STK3: variants seen among roughly 807,000 people sequenced by gnomAD.
The protein encoded by STK3 is serine/threonine-protein kinase 3.
Under a neutral mutation model 58.0 loss-of-function variants are expected in STK3, and 41 were observed. The observed-to-expected ratio is 0.71, with a 90% CI of 0.55 to 0.92. STK3 has a LOEUF of 0.92. Among genes scored for constraint, STK3 ranks in the 40% least tolerant of loss-of-function variants. STK3 has a pLI of 0.00. For synonymous variants in STK3, 170 were observed against 191.0 expected (o/e 0.89, Z 0.91); for missense variants, 479 against 602.7 (o/e 0.79, Z 2.15).
intron 1 of STK3, among the ~76,000 whole-genome samples, chr8:98,449,134 G>A (rs975307492): frequency 6.6e-6 from 1 of 152,146 alleles, no homozygotes; most frequent in Non-Finnish European, 1.5e-5. Context: ...AAGAAGAGAA[G>A]TTATCTCAGT....
intron 1 of STK3, among the ~76,000 whole-genome samples, chr8:98,926,033 G>T (rs1021833199): frequency 1.3e-5 from 2 of 152,180 alleles, no homozygotes; most frequent in African/African-American, 4.8e-5. Flanking sequence ...GGCCGGGGGA[G>T]AAGAGAGGAT....
chr8:98,349,787 AG>A, the STK3 span, among the ~76,000 whole-genome samples: 2 of 152,182 alleles, frequency 1.3e-5, no homozygotes, highest in African/African-American at 2.4e-5. Flanking sequence ...GGCCCTTTTT[AG>A]TCATGGCTGG....
intron 1 of STK3, among the ~76,000 whole-genome samples, chr8:98,805,444 G>A (rs1234916860): frequency 6.6e-6 from 1 of 151,992 alleles, no homozygotes; most frequent in Non-Finnish European, 1.5e-5. Flanking sequence ...GCATGGTGGC[G>A]GGTGCCTGTA....
At chr8:98,747,762 T>C (rs1829733754) in intron 4 of STK3, among the ~76,000 whole-genome samples, 1 of 152,198 alleles carries the variant, frequency 6.6e-6, no homozygotes, top group Non-Finnish European at 1.5e-5. Context: ...CTTGTGCAGC[T>C]CTGGGTTCCT....
At chr8:98,606,814 C>G (rs1816811434) in intron 6 of STK3, among the ~76,000 whole-genome samples, 1 of 152,306 alleles carries the variant, frequency 6.6e-6, no homozygotes, top group South Asian at 2.1e-4. Flanking sequence ...TGATTAGCAT[C>G]CTTTATAATA....
chr8:98,853,407 T>C (rs1836549944), intron 3 of STK3, among the ~76,000 whole-genome samples: 1 of 152,214 alleles, frequency 6.6e-6, no homozygotes, highest in South Asian at 2.1e-4. Context: ...TTCTTACTGC[T>C]GGTCTCTGGT....
At chr8:98,627,254 C>T (rs1818787663) in intron 6 of STK3, among the ~76,000 whole-genome samples, 1 of 152,020 alleles carries the variant, frequency 6.6e-6, no homozygotes, top group Non-Finnish European at 1.5e-5. Flanking sequence ...CAGTACATGC[C>T]TATAATCCCA....
At chr8:98,801,789 T>A (rs1833566697) in intron 1 of STK3, among the ~76,000 whole-genome samples, 1 of 152,136 alleles carries the variant, frequency 6.6e-6, no homozygotes, top group African/African-American at 2.4e-5. Context: ...CATTAGGATA[T>A]GCCTTTTTTT....
chr8:98,347,951 A>G, the STK3 span, among the ~76,000 whole-genome samples: 1 of 152,244 alleles, frequency 6.6e-6, no homozygotes, highest in African/African-American at 2.4e-5. Context: ...GACCCAGAAT[A>G]GCCAACACAA....
intron 6 of STK3, among the ~76,000 whole-genome samples, chr8:98,610,356 A>T (rs912759157): frequency 2.0e-5 from 3 of 152,254 alleles, no homozygotes; most frequent in Non-Finnish European, 2.9e-5. Flanking sequence ...TCCAAGGACA[A>T]GAAGTTCAAC....
chr8:98,472,556 G>A lies in STK3; in HGVS notation c.1318-16556C>T, dbSNP rs1481497815. Among the ~76,000 whole-genome samples the A allele has an allele frequency of 2.6e-5, 4 of 152,158 alleles. No individual in the cohort carries two copies. In the East Asian group the frequency reaches 7.7e-4, roughly 29 times the overall value. ...AACCTCAAAATAATGCTGTGAAATG[G>A]GGCAGATAATTCTGTAAACAGGCAT... is the stretch of plus-strand genomic sequence containing the variant. On this transcript the variant is annotated intron_variant, in intron 10 of 10. Coordinates refer to ENST00000419617, the MANE Select transcript of STK3 (RefSeq NM_006281.4).
chr8:98,465,441 T>A (rs1197308766), intron 10 of STK3, among the ~76,000 whole-genome samples: 1 of 152,192 alleles, frequency 6.6e-6, no homozygotes, highest in Non-Finnish European at 1.5e-5. Flanking sequence ...AATCCCAACT[T>A]TCCTGTCAGA....
intron 6 of STK3, among the ~76,000 whole-genome samples, chr8:98,663,223 C>CA (rs1294008509): frequency 2.6e-5 from 4 of 152,154 alleles, no homozygotes; most frequent in African/African-American, 9.7e-5. Flanking sequence ...TATGAACAGA[C>CA]ACTTCTCAAA....
intron 1 of STK3, among the ~76,000 whole-genome samples, chr8:98,927,844 T>A (rs1839859068): frequency 2.0e-5 from 3 of 152,208 alleles, no homozygotes; most frequent in Non-Finnish European, 4.4e-5. Flanking sequence ...TAGAAGAGAA[T>A]GAGGCCATAT....
chr8:98,942,122 T>A (rs1277830384), intron 1 of STK3, among the ~76,000 whole-genome samples: 1 of 152,206 alleles, frequency 6.6e-6, no homozygotes, highest in East Asian at 1.9e-4. Context: ...GGCCCCGCAA[T>A]GCCTGCGCCC....
At chr8:98,529,401 C>A (rs1825986576) in intron 9 of STK3, among the ~76,000 whole-genome samples, 1 of 151,952 alleles carries the variant, frequency 6.6e-6, no homozygotes, top group Middle Eastern at 3.2e-3. Context: ...GGTGAGGCGG[C>A]TTAGGTGAGG....
In STK3 at chr8:98,825,578, GA is replaced by G; in HGVS notation, c.-39del. Reference sequence around the variant, plus strand: ...CAGAGAGAGGGACCTGGTGGACGGCGAAGGCCGAAAGGAGGAAAGGAGCCGG... The same window carrying G: ...CAGAGAGAGGGACCTGGTGGACGGCGAGGCCGAAAGGAGGAAAGGAGCCGG... On this transcript the variant is annotated 5_prime_UTR_variant, in exon 1 of 11. Coordinates refer to ENST00000419617, the MANE Select transcript of STK3 (RefSeq NM_006281.4). 6.9e-7 allele frequency: 1 copy of G among 1,442,050 alleles called. No homozygotes were observed. Among genetic ancestry groups the G allele is most frequent in the Non-Finnish European group, 9.2e-7 (1 of 1,091,968 alleles). 89.3% of individuals were successfully genotyped at this position (1,442,050 alleles called of 1,614,324 possible). A position where few individuals can be genotyped will look rare whatever the true frequency, so the allele number is the denominator to read the frequency against.
At chr8:98,707,399 CGTGT>C in intron 4 of STK3, 88 bp from the exon 5 acceptor site, 18 of 991,904 alleles carry the variant, frequency 1.8e-5, no homozygotes, top group Admixed American at 5.9e-5. Flanking sequence ...TATGTCTTTC[CGTGT>C]GTGTGTGTGT....
At chr8:98,824,623 T>C (rs1336985597) in intron 1 of STK3, among the ~76,000 whole-genome samples, 1 of 152,198 alleles carries the variant, frequency 6.6e-6, no homozygotes, top group East Asian at 1.9e-4. Flanking sequence ...TTTTTTCACC[T>C]GAACAGATGG....
Sources: allele counts gnomAD v4.1 joint callset (sites outside exome capture counted in the v4.1 genomes callset), GRCh38; gene constraint gnomAD v4.1.1; transcripts MANE v1.5; gene names NCBI Gene and HGNC (gene_info 2026-07-23, HGNC 2026-07-21).